Variants in LPAR1 observed in about 807,000 individuals in gnomAD.
The protein encoded by LPAR1 is lysophosphatidic acid receptor 1.
LPAR1 carries 5 observed loss-of-function variants against 23.8 expected under a neutral mutation model. That is an observed-to-expected ratio of 0.21 (90% CI 0.11 to 0.44). LPAR1 has a LOEUF of 0.44. Ranked by LOEUF, LPAR1 falls within the 20% of genes least tolerant of loss-of-function variation. LPAR1 has a pLI of 0.99. For missense variants in LPAR1, 311 were observed against 482.8 expected, an observed-to-expected ratio of 0.64 and a Z score of 3.33; for synonymous variants, 160 against 164.7, an observed-to-expected ratio of 0.97 and a Z score of 0.22.
At chr9:110,978,178 G>A (rs1170570220) in intron 2 of LPAR1, among the ~76,000 whole-genome samples, 1 of 152,096 alleles carries the variant, frequency 6.6e-6, no homozygotes, top group African/African-American at 2.4e-5. Context: ...ACATAGAGCA[G>A]GTAGCCATAG....
chr9:110,985,561 TGGGC>T (rs2096762787), intron 2 of LPAR1, among the ~76,000 whole-genome samples: 1 of 152,064 alleles, frequency 6.6e-6, no homozygotes, highest in African/African-American at 2.4e-5. Flanking sequence ...CAGGTCATGA[TGGGC>T]CAGGTCAGGT....
chr9:111,024,544 G>GTA (rs560466463), intron 2 of LPAR1, among the ~76,000 whole-genome samples: 1,451 of 108,066 alleles, frequency 0.013, 24 homozygotes, highest in African/African-American at 0.043. Flanking sequence ...GTGTGTGTGT[G>GTA]TATATATATA....
chr9:110,915,906 C>T (rs1196342162), intron 5 of LPAR1, among the ~76,000 whole-genome samples: 1 of 152,172 alleles, frequency 6.6e-6, no homozygotes, highest in Admixed American at 6.5e-5. Context: ...TTACTTCTCA[C>T]TTCTGTCAAT....
At chr9:110,996,927 A>G (rs1042228561) in intron 2 of LPAR1, among the ~76,000 whole-genome samples, 2 of 152,198 alleles carry the variant, frequency 1.3e-5, no homozygotes, top group African/African-American at 4.8e-5. Flanking sequence ...TCTAAGTTAC[A>G]TGAACTCCTC....
chr9:110,954,098 CA>C lies in LPAR1; in HGVS notation c.46-11931del, dbSNP rs555176567. ...TTCAGGATATAAATGAGAAATTTAG[CA>C]GAGACAGATATCATTAAAAAGAACC... is the stretch of plus-strand genomic sequence containing the variant. On this transcript the variant is annotated intron_variant, in intron 4 of 5. Transcript: ENST00000683809. Among the ~76,000 whole-genome samples the C allele has an allele frequency of 6.4e-3, 967 of 151,898 alleles. 13 individuals are homozygous for C. Among genetic ancestry groups the C allele is most frequent in the African/African-American group, 0.022 (901 of 41,462 alleles).
At chr9:110,973,051 G>A (rs1564210837) in intron 3 of LPAR1, among the ~76,000 whole-genome samples, 1 of 152,220 alleles carries the variant, frequency 6.6e-6, no homozygotes, top group Non-Finnish European at 1.5e-5. Context: ...CACACACAGT[G>A]TGGAATCGCA....
intron 5 of LPAR1, among the ~76,000 whole-genome samples, chr9:110,939,672 T>C (rs1024799484): frequency 2.0e-5 from 3 of 147,828 alleles, no homozygotes; most frequent in Non-Finnish European, 4.5e-5. Context: ...CACAAAAGTA[T>C]GTGAATCATT....
intron 2 of LPAR1, among the ~76,000 whole-genome samples, chr9:111,035,618 T>C (rs1490618497): frequency 6.6e-6 from 1 of 152,210 alleles, no homozygotes; most frequent in African/African-American, 2.4e-5. Context: ...ACTATTGGAC[T>C]TTAAACCAAG....
chr9:111,004,719 T>C (rs1314939889), intron 2 of LPAR1, among the ~76,000 whole-genome samples: 1 of 152,186 alleles, frequency 6.6e-6, no homozygotes, highest in Non-Finnish European at 1.5e-5. Flanking sequence ...CCAAGCTCTG[T>C]ACTTGGCCCT....
At chr9:110,932,721 G>A (rs1460169754) in intron 5 of LPAR1, among the ~76,000 whole-genome samples, 2 of 152,376 alleles carry the variant, frequency 1.3e-5, no homozygotes, top group East Asian at 3.9e-4. Context: ...GAACCCTATT[G>A]TGATCTGCAG....
chr9:110,928,685 C>T (rs1293436833), intron 5 of LPAR1, among the ~76,000 whole-genome samples: 2 of 152,190 alleles, frequency 1.3e-5, no homozygotes, highest in African/African-American at 2.4e-5. Context: ...CTCACTGATT[C>T]CAGCTCCTCA....
chr9:110,953,535 T>C (rs931479976), intron 4 of LPAR1, among the ~76,000 whole-genome samples: 4 of 152,058 alleles, frequency 2.6e-5, no homozygotes, highest in African/African-American at 7.2e-5. Flanking sequence ...TGGTGGCACA[T>C]GCCTGTAATC....
chr9:110,937,426 A>C (rs143990705), intron 5 of LPAR1, among the ~76,000 whole-genome samples: 238 of 152,312 alleles, frequency 1.6e-3, no homozygotes, highest in Non-Finnish European at 2.6e-3. Flanking sequence ...CCTGACCTTG[A>C]ATCCCCGTTC....
chr9:110,906,512 C>G (rs1379836096), intron 5 of LPAR1, among the ~76,000 whole-genome samples: 2 of 152,056 alleles, frequency 1.3e-5, no homozygotes, highest in East Asian at 3.9e-4. Flanking sequence ...AGTACCAACC[C>G]AACACATGCC....
chr9:110,924,606 A>G (rs1263715213), intron 5 of LPAR1, among the ~76,000 whole-genome samples: 1 of 152,102 alleles, frequency 6.6e-6, no homozygotes, highest in Non-Finnish European at 1.5e-5. Context: ...CTGAGGCAGG[A>G]GGATCACTAA....
At chr9:111,009,114 C>G (rs2097276022) in intron 2 of LPAR1, among the ~76,000 whole-genome samples, 1 of 151,954 alleles carries the variant, frequency 6.6e-6, no homozygotes, top group Admixed American at 6.6e-5. Context: ...TAAAAGAGGA[C>G]ATATTAAAGG....
At chr9:110,976,042 A>C (rs541583311) in intron 2 of LPAR1, among the ~76,000 whole-genome samples, 67 of 152,278 alleles carry the variant, frequency 4.4e-4, no homozygotes, top group Admixed American at 1.6e-3. Context: ...AAACTGCACA[A>C]ATCATGGGGG....
At chr9:110,950,477 A>C (rs991309224) in intron 4 of LPAR1, among the ~76,000 whole-genome samples, 1 of 151,842 alleles carries the variant, frequency 6.6e-6, no homozygotes, top group African/African-American at 2.4e-5. Flanking sequence ...AAAAAAAAAA[A>C]AAAAAACTGG....
intron 5 of LPAR1, among the ~76,000 whole-genome samples, chr9:110,891,558 A>G (rs2084182623): frequency 6.6e-6 from 1 of 152,196 alleles, no homozygotes; most frequent in South Asian, 2.1e-4. Flanking sequence ...CTAAAAACGG[A>G]TCTCTGCATA....
Sources: allele counts gnomAD v4.1 joint callset (sites outside exome capture counted in the v4.1 genomes callset), GRCh38; gene constraint gnomAD v4.1.1; transcripts MANE v1.5; gene names NCBI Gene and HGNC (gene_info 2026-07-23, HGNC 2026-07-21).